Variants in AKAP13 observed in about 807,000 individuals in gnomAD.
The protein encoded by AKAP13 is A-kinase anchor protein 13.
A neutral mutation model predicts 264.5 loss-of-function variants in AKAP13; 80 were observed. The observed-to-expected ratio is 0.30, with a 90% confidence interval of 0.25 to 0.36. The LOEUF (loss-of-function observed/expected upper bound fraction) is 0.36. Ranked by LOEUF, AKAP13 falls within the 10% of genes least tolerant of loss-of-function variation. The pLI, the probability that AKAP13 is intolerant of heterozygous loss-of-function variation, is 1.00. For missense variants in AKAP13, 3,712 were observed against 3,435.2 expected (o/e 1.08, Z -2.01); for synonymous variants, 1,380 against 1,250.2 (o/e 1.10, Z -2.19).
At chr15:85,383,758 T>A (rs1205935726) in intron 1 of AKAP13, among the ~76,000 whole-genome samples, 3 of 152,184 alleles carry the variant, frequency 2.0e-5, no homozygotes, top group African/African-American at 7.2e-5. Context: ...CAGTGAGAGA[T>A]GGATTGTTTT....
At chr15:85,715,165 A>C (rs2086857304) in intron 19 of AKAP13, among the ~76,000 whole-genome samples, 1 of 152,192 alleles carries the variant, frequency 6.6e-6, no homozygotes, top group South Asian at 2.1e-4. Flanking sequence ...TAAGCATGAA[A>C]GATAGCCTGT....
chr15:85,548,579 A>T (rs1221545702), intron 5 of AKAP13, among the ~76,000 whole-genome samples: 2 of 152,138 alleles, frequency 1.3e-5, no homozygotes, highest in African/African-American at 4.8e-5. Flanking sequence ...TGCCTACATC[A>T]CAAGGTTATT....
intron 1 of AKAP13, among the ~76,000 whole-genome samples, chr15:85,441,407 TTA>T (rs2073648013): frequency 6.6e-6 from 1 of 152,152 alleles, no homozygotes; most frequent in Non-Finnish European, 1.5e-5. Flanking sequence ...CTTTATTAGT[TTA>T]TATAATTGGT....
At chr15:85,654,020 G>A (rs2082985833) in intron 10 of AKAP13, among the ~76,000 whole-genome samples, 1 of 152,120 alleles carries the variant, frequency 6.6e-6, no homozygotes, top group Admixed American at 6.5e-5. Context: ...CCCAGCCACT[G>A]GTATGTTTCA....
intron 2 of AKAP13, among the ~76,000 whole-genome samples, chr15:85,488,718 C>G (rs531739673): frequency 6.6e-6 from 1 of 152,284 alleles, no homozygotes; most frequent in South Asian, 2.1e-4. Flanking sequence ...AGCCCATGAG[C>G]TACGGAATGC....
intron 1 of AKAP13, among the ~76,000 whole-genome samples, chr15:85,463,374 G>T (rs1014241778): frequency 2.0e-5 from 3 of 152,180 alleles, no homozygotes; most frequent in Admixed American, 6.5e-5. Flanking sequence ...TTGAGCCTAA[G>T]AATAATTTAG....
At chr15:85,588,974 GA>G (rs1268921164) in intron 8 of AKAP13, among the ~76,000 whole-genome samples, 1 of 152,108 alleles carries the variant, frequency 6.6e-6, no homozygotes, top group East Asian at 1.9e-4. Context: ...TAGAGTTGGG[GA>G]AAGCATATGT....
chr15:85,583,119 T>G (rs72758699), intron 7 of AKAP13: 18,417 of 985,464 alleles, frequency 0.019, 194 homozygotes, highest in Middle Eastern at 0.028. Context: ...TGTTACCAGC[T>G]GTAGACAGAA....
At chr15:85,491,162 T>G (rs1032368099) in intron 2 of AKAP13, among the ~76,000 whole-genome samples, 3 of 152,060 alleles carry the variant, frequency 2.0e-5, no homozygotes, top group Admixed American at 2.0e-4. Flanking sequence ...AGCTGGATCT[T>G]GTAGGATTTA....
At chr15:85,696,971 G>C (rs1463807738) in intron 17 of AKAP13, among the ~76,000 whole-genome samples, 2 of 152,192 alleles carry the variant, frequency 1.3e-5, no homozygotes, top group Non-Finnish European at 2.9e-5. Context: ...CCCTGAGTGA[G>C]AATTGATGAA....
In AKAP13 at chr15:85,715,882, T is replaced by G; in HGVS notation, c.5694T>G (p.Ser1898Arg). The G allele has an allele frequency of 6.2e-7, 1 of 1,612,830 alleles. No individual in the cohort carries two copies. The highest frequency in any genetic ancestry group is 8.5e-7 in the Non-Finnish European group (1 of 1,179,748). The change falls in exon 20 of 37, where the codon AGT (serine) becomes AGG (arginine). Residue 1898 changes from serine to arginine, a missense_variant. Physicochemically the swap from Ser to Arg is moderately radical, Grantham distance 110. Transcript: ENST00000394518. ...PIFANRRSQQ[S>R]VSLSKSVSIQ... ...TTGCCAATAGACGATCCCAGCAGAG[T>G]GTCTCGCTCTCCAAAAGTGTCTCCA...
intron 8 of AKAP13, among the ~76,000 whole-genome samples, chr15:85,631,785 G>A (rs1002220248): frequency 1.3e-5 from 2 of 152,100 alleles, no homozygotes; most frequent in Non-Finnish European, 2.9e-5. Flanking sequence ...GCAAACTAAA[G>A]TTATTTCTAC....
At position 85,740,265 on chromosome 15, in the gene AKAP13, C is replaced by T. The variant is rs759547143; in HGVS notation, c.7601C>T (p.Ala2534Val). ...SVVHLYELLS[A>V]LQGVVLQQDS... ...GTTCATCTCTACGAGCTCCTCAGCG[C>T]TCTGCAGGTGCGTGCCTTCATCTTC... is the stretch of plus-strand genomic sequence containing the variant. The change falls in exon 34 of 37, where the codon GCT becomes GTT. Residue 2534 changes from alanine to valine, a missense_variant. Ala to Val is a moderately conservative substitution (Grantham distance 64, BLOSUM62 0). Around this residue, in one of 3 missense-constraint regions of AKAP13, gnomAD observed 611 missense variants for 539.3 expected, o/e 1.13. Coordinates refer to ENST00000394518, the MANE Select transcript of AKAP13 (RefSeq NM_007200.5). 6 of 1,613,962 alleles carry T rather than the reference C, an allele frequency of 3.7e-6. No individual in the cohort carries two copies. The Admixed American group carries it at 5.0e-5, about 13-fold the overall frequency.
intron 11 of AKAP13, among the ~76,000 whole-genome samples, 154 bp downstream of exon 11, chr15:85,655,941 C>G (rs187785351): frequency 6.6e-6 from 1 of 152,248 alleles, no homozygotes; most frequent in Admixed American, 6.5e-5. Context: ...TGTTCAGACC[C>G]CAGCTCCAAA....
chr15:85,740,288 T>C lies in AKAP13; in HGVS notation c.7608+16T>C. ...CGCTCTGCAGGTGCGTGCCTTCATC[T>C]TCCATCCCTGCGTTTATTTGTCTAG... On this transcript the variant is annotated intron_variant, in intron 34 of 36. Transcript: ENST00000394518. 6.2e-7 allele frequency: 1 copy of C among 1,613,596 alleles called. No homozygotes were observed. Among genetic ancestry groups the C allele is most frequent in the African/African-American group, 1.3e-5 (1 of 75,056 alleles).
At chr15:85,430,866 A>G (rs750367498) in intron 1 of AKAP13, among the ~76,000 whole-genome samples, 3 of 152,216 alleles carry the variant, frequency 2.0e-5, no homozygotes, top group Non-Finnish European at 4.4e-5. Context: ...AAATACTTGT[A>G]CTAGGTCAAA....
Position 85,477,636 on chromosome 15 carries a change from G to GAAAAAAAAAAA in AKAP13, c.-11-8074_-11-8073insAAAAAAAAAAA, listed in dbSNP as rs1567077572. 1.7e-4 allele frequency among the ~76,000 whole-genome samples: 6 copies of GAAAAAAAAAAA among 34,306 alleles called. 1 individual carries two copies. Among genetic ancestry groups the GAAAAAAAAAAA allele is most frequent in the Non-Finnish European group, 1.4e-4 (2 of 13,924 alleles). The allele number at this position is 34,306 out of a possible 152,430, so 22.5% of individuals were successfully genotyped here. A position where few individuals can be genotyped will look rare whatever the true frequency, so the allele number is the denominator to read the frequency against. On this transcript the variant is annotated intron_variant, in intron 1 of 36. Coordinates refer to ENST00000394518, the MANE Select transcript of AKAP13 (RefSeq NM_007200.5). ...GAAATTTGAACTGAGCTTAAAAAAA[G>GAAAAAAAAAAA]GAAAAAAAAAAAAAAAAAAAAAGGC...
intron 8 of AKAP13, among the ~76,000 whole-genome samples, chr15:85,614,738 C>G (rs2080861506): frequency 6.6e-6 from 1 of 152,170 alleles, no homozygotes; most frequent in South Asian, 2.1e-4. Flanking sequence ...TAAAGCAAAT[C>G]TGTTTTATTA....
At chr15:85,535,792 T>C in intron 4 of AKAP13, 1 of 148,870 alleles carries the variant, frequency 6.7e-6, no homozygotes, top group Non-Finnish European at 1.5e-5. Context: ...ACTTCCTCTT[T>C]CTCTCTCTTT....
Sources: allele counts gnomAD v4.1 joint callset (sites outside exome capture counted in the v4.1 genomes callset), GRCh38; gene constraint gnomAD v4.1.1; regional missense constraint gnomAD v4.1.1; transcripts MANE v1.5; gene names NCBI Gene and HGNC (gene_info 2026-07-23, HGNC 2026-07-21).